CAMK2G: variants seen among roughly 807,000 people sequenced by gnomAD.
The protein encoded by CAMK2G is calcium/calmodulin-dependent protein kinase type II subunit gamma.
In CAMK2G, 23 loss-of-function variants were observed where a neutral mutation model predicts 88.7. The ratio of observed to expected loss-of-function variants is 0.26; its 90% confidence interval spans 0.19 to 0.37. The LOEUF (loss-of-function observed/expected upper bound fraction) is 0.37. Among genes scored for constraint, CAMK2G ranks in the 10% least tolerant of loss-of-function variants. The pLI is 1.00. For synonymous variants in CAMK2G, 263 were observed against 294.8 expected, an observed-to-expected ratio of 0.89 and a Z score of 1.11; for missense variants, 476 against 780.8, an observed-to-expected ratio of 0.61 and a Z score of 4.65.
chr10:73,849,785 GTGCACTCATTCAT>G (rs2094494984), intron 5 of CAMK2G, among the ~76,000 whole-genome samples: 1 of 152,092 alleles, frequency 6.6e-6, no homozygotes, highest in Admixed American at 6.5e-5. Context: ...TTGGCGGTGG[GTGCACTCATTCAT>G]TTCCCTAAAT....
intron 3 of CAMK2G, among the ~76,000 whole-genome samples, chr10:73,855,475 T>G (rs2094957913): frequency 6.6e-6 from 1 of 152,210 alleles, no homozygotes; most frequent in Non-Finnish European, 1.5e-5. Context: ...CACTCAGCTC[T>G]GCCTGGGCCT....
intron 14 of CAMK2G, among the ~76,000 whole-genome samples, chr10:73,831,485 C>T (rs2092419528): frequency 1.4e-5 from 2 of 146,422 alleles, no homozygotes; most frequent in Non-Finnish European, 1.5e-5. Flanking sequence ...TTGCAGTGAG[C>T]CAAGACCATG....
intron 19 of CAMK2G, chr10:73,817,869 C>G: frequency 2.5e-6 from 1 of 404,186 alleles, no homozygotes; most frequent in South Asian, 3.6e-5. Flanking sequence ...CCTGGTACAT[C>G]GTGAATGCTG....
At chr10:73,841,685 C>A (rs2093797279) in intron 12 of CAMK2G, 2 of 159,178 alleles carry the variant, frequency 1.3e-5, no homozygotes, top group Admixed American at 6.0e-5. Context: ...CAAGTCGCCA[C>A]AAAAGGTTTA....
In CAMK2G at chr10:73,852,310, G is replaced by A. The variant is rs373106026; in HGVS notation, c.285C>T (p.Gly95=). 2.0e-5 allele frequency: 33 copies of A among 1,613,862 alleles called. No homozygotes were observed. The African/African-American group carries it at 2.7e-4, about 13-fold the overall frequency. Residue 95 remains glycine, a synonymous_variant, in exon 5 of 23, where the codon GGC becomes GGT. Coordinates refer to ENST00000423381, the MANE Select transcript of CAMK2G (RefSeq NM_001367534.1). ...FHYLVFDLVT[G]GELFEDIVAR... is the part of the protein sequence containing the mutation. ...CCACAATGTCTTCAAACAGCTCCCC[G>A]CCGGTAACACTGCAACCAACGGGAA...
At chr10:73,853,083 G>C in intron 4 of CAMK2G, 109 bp downstream of exon 4, 3 of 1,004,954 alleles carry the variant, frequency 3.0e-6, no homozygotes, top group African/African-American at 1.6e-5. Flanking sequence ...TCGGACAAAG[G>C]AGGGGGCCCT....
chr10:73,848,148 C>T lies in CAMK2G; in HGVS notation c.602-66G>A. The T allele has an allele frequency of 4.0e-6, 4 of 991,722 alleles. No individual in the cohort carries two copies. Among genetic ancestry groups the T allele is most frequent in the Admixed American group, 1.7e-5 (1 of 57,956 alleles). The allele number at this position is 991,722 out of a possible 1,614,324, so 61.4% of individuals were successfully genotyped here. ...ACTTCCCTGAGGAACCAAGAAAAAC[C>T]ATGCAGGGCTCAGAGCCACCTAGAA... On this transcript the variant is annotated intron_variant, in intron 8 of 22. Coordinates refer to ENST00000423381, the MANE Select transcript of CAMK2G (RefSeq NM_001367534.1). This position sits in a 1 kb window ranked among gnomAD's most constrained non-coding sequence, Gnocchi z 4.5.
chr10:73,861,587 C>T (rs1381124340), intron 2 of CAMK2G, among the ~76,000 whole-genome samples: 2 of 152,108 alleles, frequency 1.3e-5, no homozygotes, highest in Non-Finnish European at 2.9e-5. Context: ...AACTCCTGAC[C>T]TCAGGTGATC....
At chr10:73,865,615 G>A (rs2095557135) in intron 2 of CAMK2G, among the ~76,000 whole-genome samples, 1 of 152,204 alleles carries the variant, frequency 6.6e-6, no homozygotes, top group East Asian at 1.9e-4. Flanking sequence ...GGATGGAGTA[G>A]TGGTTTCTAG....
chr10:73,825,277 A>G lies in CAMK2G; in HGVS notation c.1155+2T>C, dbSNP rs1421215095. 6.2e-7 allele frequency: 1 copy of G among 1,609,340 alleles called. No homozygotes were observed. Among genetic ancestry groups the G allele is most frequent in the East Asian group, 2.2e-5 (1 of 44,846 alleles). On this transcript the variant is annotated splice_donor_variant, in intron 16 of 22. Transcript: ENST00000423381. LOFTEE classifies it high-confidence loss of function. ...GGCGGAGAAGCTGTAGTCAGGAGGT[A>G]CCATGGCCGTCTGCAAGGGCGCGGG...
chr10:73,853,743 T>C (rs1043433759), intron 3 of CAMK2G, among the ~76,000 whole-genome samples: 1 of 152,206 alleles, frequency 6.6e-6, no homozygotes, highest in African/African-American at 2.4e-5. Context: ...GGATAATGGA[T>C]GGTGAGCCTG....
At chr10:73,816,435 G>A (rs766342094) in intron 21 of CAMK2G, 31 of 1,078,424 alleles carry the variant, frequency 2.9e-5, no homozygotes, top group South Asian at 5.3e-5. Flanking sequence ...CTTCCAATCC[G>A]TCTTGGAAAG....
Position 73,848,382 on chromosome 10 carries a change from C to T in CAMK2G, c.601+144G>A. 1 of 687,114 alleles carries T rather than the reference C, an allele frequency of 1.5e-6. No individual in the cohort carries two copies. The highest frequency in any genetic ancestry group is 2.7e-6 in the Non-Finnish European group (1 of 374,370). The allele number at this position is 687,114 out of a possible 1,614,324, so 42.6% of individuals were successfully genotyped here. A position where few individuals can be genotyped will look rare whatever the true frequency, so the allele number is the denominator to read the frequency against. The stretch of plus-strand genomic sequence containing the variant: ...CGCAGGGAGGAGGGTGTGATGGGAA[C>T]AGCCATCCCAGGGGCAAACACCATA... On this transcript the variant is annotated intron_variant, in intron 8 of 22. Transcript: ENST00000423381. The surrounding 1 kb of genome is among the most constrained non-coding windows in gnomAD (Gnocchi z 4.5).
chr10:73,814,625 G>A (rs551469884), intron 22 of CAMK2G, 120 bp from the exon 23 acceptor site: 2 of 206,716 alleles, frequency 9.7e-6, no homozygotes, highest in South Asian at 1.8e-4. Flanking sequence ...GGGAAAGTGG[G>A]TGAAGCTAAT....
At chr10:73,873,115 CG>C (rs761712141) in intron 1 of CAMK2G, 32 bp from the exon 2 acceptor site, 1 of 1,432,272 alleles carries the variant, frequency 7.0e-7, no homozygotes, top group Admixed American at 1.7e-5. Context: ...AACTGGGACA[CG>C]GAGCAGGGCA....
In CAMK2G at chr10:73,816,158, A is replaced by T. The variant is rs568948840; in HGVS notation, c.1534+865T>A. 2.7e-4 allele frequency: 264 copies of T among 985,648 alleles called. 2 individuals are homozygous for T. In the African/African-American group the frequency reaches 3.7e-3, roughly 14 times the overall value. The allele number at this position is 985,648 out of a possible 1,614,324, so 61.1% of individuals were successfully genotyped here. A position where few individuals can be genotyped will look rare whatever the true frequency, so the allele number is the denominator to read the frequency against. On this transcript the variant is annotated intron_variant, in intron 21 of 22. Coordinates refer to ENST00000423381, the MANE Select transcript of CAMK2G (RefSeq NM_001367534.1). Reference sequence around the variant, plus strand: ...GGGAGGGTCTCATAGAGCAGAGAGAAAGATGGGAGGGGGTGATGATTCAGC... The same window carrying T: ...GGGAGGGTCTCATAGAGCAGAGAGATAGATGGGAGGGGGTGATGATTCAGC...
intron 20 of CAMK2G, 53 bp from the exon 21 acceptor site, chr10:73,817,170 C>T (rs2133126604): frequency 6.4e-7 from 1 of 1,551,910 alleles, no homozygotes; most frequent in Non-Finnish European, 8.7e-7. Context: ...AGTGACTTGT[C>T]TTCCTTCCTT....
In CAMK2G at chr10:73,868,109, G is replaced by C. The variant is rs2095659624; in HGVS notation, c.160+4880C>G. ...AGGCCCTTGTTGGTCTGCCAAAGCT[G>C]TTCAGAGAGCAGCAAGCATACAGAT... On this transcript the variant is annotated intron_variant, in intron 2 of 22. Coordinates refer to ENST00000423381, the MANE Select transcript of CAMK2G (RefSeq NM_001367534.1). Among the ~76,000 whole-genome samples the C allele has an allele frequency of 2.0e-5, 3 of 152,278 alleles. No individual in the cohort carries two copies. In the South Asian group the frequency reaches 6.2e-4, roughly 32 times the overall value.
chr10:73,819,141 A>G (rs998993574), intron 19 of CAMK2G, among the ~76,000 whole-genome samples: 1 of 152,034 alleles, frequency 6.6e-6, no homozygotes, highest in Admixed American at 6.5e-5. Context: ...GAGACTCAGG[A>G]AGCACTACAT....
Sources: gnomAD v4.1 joint callset for allele counts (sites outside exome capture counted in the v4.1 genomes callset) on GRCh38, gnomAD v4.1.1 for gene constraint, Gnocchi (gnomAD v3.1) non-coding constraint, MANE v1.5 for transcripts, NCBI Gene and HGNC (gene_info 2026-07-23, HGNC 2026-07-21) for gene names.